Variants in PRMT8 observed in about 807,000 individuals in gnomAD.
PRMT8 encodes the protein protein arginine methyltransferase 8.
A neutral mutation model predicts 47.1 loss-of-function variants in PRMT8; 7 were observed. The observed-to-expected ratio is 0.15, with a 90% CI of 0.08 to 0.28. The LOEUF (loss-of-function observed/expected upper bound fraction) is 0.28. Among genes scored for constraint, PRMT8 ranks in the 10% least tolerant of loss-of-function variants. The probability of loss-of-function intolerance (pLI) is 1.00; values close to 1 mark genes in which losing one functional copy is unlikely to be tolerated. For missense variants in PRMT8, 237 were observed against 505.4 expected (o/e 0.47, Z 5.09); for synonymous variants, 188 against 186.5 (o/e 1.01, Z -0.07).
chr12:3,389,908 A>G (rs1331380900), intron 1 of PRMT8, among the ~76,000 whole-genome samples: 3 of 152,238 alleles, frequency 2.0e-5, no homozygotes, highest in Non-Finnish European at 4.4e-5. Context: ...CCAGAAACAT[A>G]CCCGATCAGA....
At chr12:3,513,047 G>A (rs1206600258) in intron 1 of PRMT8, among the ~76,000 whole-genome samples, 2 of 152,178 alleles carry the variant, frequency 1.3e-5, no homozygotes, top group Non-Finnish European at 2.9e-5. Flanking sequence ...TTGTCCCTGA[G>A]AGAACTGCAA....
At chr12:3,389,343 G>A (rs1309676781) in intron 1 of PRMT8, among the ~76,000 whole-genome samples, 4 of 152,072 alleles carry the variant, frequency 2.6e-5, no homozygotes, top group African/African-American at 9.7e-5. Flanking sequence ...TGCTTATCGC[G>A]CTGCAAAATC....
At chr12:3,568,913 T>G in intron 5 of PRMT8, 65 bp downstream of exon 5, 11 of 1,600,026 alleles carry the variant, frequency 6.9e-6, no homozygotes, top group Non-Finnish European at 8.5e-6. Flanking sequence ...ACCCAAGGCC[T>G]GCAGCCTAGG....
chr12:3,589,269 G>A (rs951352066), intron 8 of PRMT8, among the ~76,000 whole-genome samples: 4 of 152,270 alleles, frequency 2.6e-5, no homozygotes, highest in African/African-American at 9.6e-5. Flanking sequence ...CACAGCAGGA[G>A]GTTTGATCAC....
chr12:3,562,390 G>A (rs78197736), intron 4 of PRMT8, among the ~76,000 whole-genome samples: 6,775 of 151,718 alleles, frequency 0.045, 173 homozygotes, highest in East Asian at 0.085. Context: ...AGGGGAGTTC[G>A]TGGTGTGACT....
Position 3,467,194 on chromosome 12 carries a change from C to T in PRMT8, c.49-73412C>T, listed in dbSNP as rs949118710. Among the ~76,000 whole-genome samples, 13 of 136,100 alleles carry T rather than the reference C, an allele frequency of 9.6e-5. No homozygotes were observed. In the South Asian group the frequency reaches 1.8e-3, roughly 18 times the overall value. The allele number at this position is 136,100 out of a possible 152,430, so 89.3% of individuals were successfully genotyped here. ...GGCGGAGCTTGCAGTGAGCCGAGAT[C>T]GCACCACTGCACTCCAGCCTGGGCG... On this transcript the variant is annotated intron_variant, in intron 1 of 9. Coordinates refer to the PRMT8 transcript ENST00000452611.
chr12:3,442,553 T>C (rs1864814230), intron 1 of PRMT8, among the ~76,000 whole-genome samples: 1 of 152,160 alleles, frequency 6.6e-6, no homozygotes, highest in Non-Finnish European at 1.5e-5. Context: ...TTCCCATCTA[T>C]GCTGCAAAGA....
chr12:3,447,350 C>T (rs1332106867), intron 1 of PRMT8, among the ~76,000 whole-genome samples: 3 of 152,266 alleles, frequency 2.0e-5, no homozygotes, highest in Admixed American at 6.5e-5. Context: ...GGGGACATTA[C>T]ATTTGTTTTG....
intron 1 of PRMT8, among the ~76,000 whole-genome samples, chr12:3,523,165 C>T (rs1312811619): frequency 1.3e-5 from 2 of 152,194 alleles, no homozygotes; most frequent in African/African-American, 4.8e-5. Flanking sequence ...AAACAGGTTG[C>T]TATTGGGAAA....
chr12:3,407,239 G>T (rs1272913800), intron 1 of PRMT8, among the ~76,000 whole-genome samples: 1 of 152,086 alleles, frequency 6.6e-6, no homozygotes, highest in Non-Finnish European at 1.5e-5. Context: ...ACCTCCCACT[G>T]GGTCCCTCCC....
In PRMT8 at chr12:3,566,185, A is replaced by G. The variant is rs1310820927; in HGVS notation, c.482-2521A>G. On this transcript the variant is annotated intron_variant, in intron 4 of 9. Coordinates refer to ENST00000382622, the MANE Select transcript of PRMT8 (RefSeq NM_019854.5). The surrounding 1 kb of genome is among the most constrained non-coding windows in gnomAD (Gnocchi z 4.7). ...ATGCAAATGATTAGGCAGGTGAGTC[A>G]TGCATATATTTGTCAGTTCTCTTTC... Among the ~76,000 whole-genome samples the G allele has an allele frequency of 2.0e-5, 3 of 152,250 alleles. No individual in the cohort carries two copies. The highest frequency in any genetic ancestry group is 4.4e-5 in the Non-Finnish European group (3 of 68,042).
In PRMT8 at chr12:3,580,698, G is replaced by T. The variant is rs1174576120; in HGVS notation, c.829-2360G>T. Among the ~76,000 whole-genome samples the T allele has an allele frequency of 6.6e-6, 1 of 152,158 alleles. No individual in the cohort carries two copies. The highest frequency in any genetic ancestry group is 2.4e-5 in the African/African-American group (1 of 41,420). On this transcript the variant is annotated intron_variant, in intron 7 of 9. Transcript: ENST00000382622. The surrounding 1 kb of genome is among the most constrained non-coding windows in gnomAD (Gnocchi z 4.6). ...AGACTGCGATATGAGCCAGAAGTGAGATTGGAAGGCCATGCTACACTGGTG... is the reference window on the plus strand; with the variant it reads ...AGACTGCGATATGAGCCAGAAGTGATATTGGAAGGCCATGCTACACTGGTG...
chr12:3,496,214 A>ATATATATATATATATATATTT, intron 1 of PRMT8, among the ~76,000 whole-genome samples: 1 of 27,776 alleles, frequency 3.6e-5, no homozygotes, highest in African/African-American at 8.8e-5. Context: ...ATATATATAT[A>ATATATATATATATATATATTT]TTTTTTTTTT....
At chr12:3,528,155 G>T (rs1865974540) in intron 1 of PRMT8, among the ~76,000 whole-genome samples, 1 of 151,976 alleles carries the variant, frequency 6.6e-6, no homozygotes, top group African/African-American at 2.4e-5. Context: ...CACGATTCTT[G>T]TGTTCAGGGT....
intron 1 of PRMT8, among the ~76,000 whole-genome samples, chr12:3,455,090 G>C (rs1336257212): frequency 6.6e-6 from 1 of 152,132 alleles, no homozygotes; most frequent in Non-Finnish European, 1.5e-5. Context: ...GGGGGAGATG[G>C]AGTTTGGGGG....
At chr12:3,398,584 C>T (rs988402103) in intron 1 of PRMT8, among the ~76,000 whole-genome samples, 1 of 152,210 alleles carries the variant, frequency 6.6e-6, no homozygotes, top group Non-Finnish European at 1.5e-5. Flanking sequence ...TAGGAGCCTG[C>T]GTCCAGCTCA....
chr12:3,488,384 C>T (rs1216799903), upstream of PRMT8, among the ~76,000 whole-genome samples: 3 of 152,142 alleles, frequency 2.0e-5, no homozygotes, highest in Non-Finnish European at 2.9e-5. Context: ...AGAAAAATTA[C>T]ATAAATAAAA....
At chr12:3,414,883 A>G (rs1384062166) in intron 1 of PRMT8, among the ~76,000 whole-genome samples, 1 of 151,950 alleles carries the variant, frequency 6.6e-6, no homozygotes, top group Non-Finnish European at 1.5e-5. Context: ...GTGTTGCTCT[A>G]CCAGCTGCAG....
chr12:3,407,727 C>T (rs754082831), intron 1 of PRMT8, among the ~76,000 whole-genome samples: 35 of 152,178 alleles, frequency 2.3e-4, no homozygotes, highest in Non-Finnish European at 5.0e-4. Flanking sequence ...TTCTCTGTAT[C>T]TTCTTCTGGA....
Sources: gnomAD v4.1 joint callset for allele counts (sites outside exome capture counted in the v4.1 genomes callset) on GRCh38, gnomAD v4.1.1 for gene constraint, Gnocchi (gnomAD v3.1) non-coding constraint, MANE v1.5 for transcripts, NCBI Gene and HGNC (gene_info 2026-07-23, HGNC 2026-07-21) for gene names.